The following TPD52L1 variants were observed in gnomAD, a reference collection of about 807,000 sequenced individuals.
The protein encoded by TPD52L1 is TPD52 like 1.
A neutral mutation model predicts 28.7 loss-of-function variants in TPD52L1; 18 were observed. The observed-to-expected ratio is 0.63, with a 90% confidence interval of 0.43 to 0.93. The LOEUF is 0.93. TPD52L1 is among the 40% of genes least tolerant of loss of function. The pLI is 0.00. For missense variants in TPD52L1, 203 were observed against 254.8 expected (o/e 0.80, Z 1.39); for synonymous variants, 75 against 88.8 (o/e 0.84, Z 0.88).
At chr6:125,227,753 T>G (rs902455323) in intron 2 of TPD52L1, among the ~76,000 whole-genome samples, 2 of 152,224 alleles carry the variant, frequency 1.3e-5, no homozygotes, top group Non-Finnish European at 2.9e-5. Flanking sequence ...ACTTTGTGAT[T>G]TATTCAGATT....
intron 3 of TPD52L1, among the ~76,000 whole-genome samples, chr6:125,247,264 C>T (rs1424600032): frequency 7.2e-5 from 11 of 151,992 alleles, no homozygotes; most frequent in Non-Finnish European, 1.5e-4. Flanking sequence ...ACAGCATATG[C>T]ATTTTAAGAT....
intron 2 of TPD52L1, among the ~76,000 whole-genome samples, chr6:125,222,853 C>T (rs903869721): frequency 3.9e-5 from 6 of 152,072 alleles, no homozygotes; most frequent in African/African-American, 1.4e-4. Context: ...CTTAGATTGT[C>T]TAAGATGGAA....
chr6:125,193,684 A>G (rs1793210660), intron 1 of TPD52L1, among the ~76,000 whole-genome samples: 1 of 152,190 alleles, frequency 6.6e-6, no homozygotes, highest in South Asian at 2.1e-4. Flanking sequence ...GATGAAAAAT[A>G]TATGCATATA....
At chr6:125,229,303 C>G in intron 3 of TPD52L1, 37 bp downstream of exon 3, 1 of 1,567,186 alleles carries the variant, frequency 6.4e-7, no homozygotes, top group Non-Finnish European at 8.6e-7. Context: ...TTAACTCAGC[C>G]TGATGTCTCC....
chr6:125,246,194 A>C (rs1434557702), intron 3 of TPD52L1, among the ~76,000 whole-genome samples: 3 of 152,114 alleles, frequency 2.0e-5, no homozygotes, highest in African/African-American at 7.2e-5. Context: ...TTTAGGTTAA[A>C]TCCCTCTCCT....
intron 1 of TPD52L1, among the ~76,000 whole-genome samples, chr6:125,192,029 G>T (rs1478724556): frequency 6.6e-6 from 1 of 152,196 alleles, no homozygotes; most frequent in African/African-American, 2.4e-5. Context: ...GATAGCTTCT[G>T]TAGCATGCCA....
At chr6:125,231,555 T>A (rs530809082) in intron 3 of TPD52L1, among the ~76,000 whole-genome samples, 19 of 152,356 alleles carry the variant, frequency 1.2e-4, no homozygotes, top group African/African-American at 4.3e-4. Context: ...AGCCTAGATT[T>A]ATTCCCTGGG....
chr6:125,158,886 G>A (rs933747992), intron 1 of TPD52L1, among the ~76,000 whole-genome samples: 10 of 152,188 alleles, frequency 6.6e-5, no homozygotes, highest in African/African-American at 1.7e-4. Context: ...ATACTATACT[G>A]TAGTTTGTTA....
chr6:125,183,790 A>G (rs1003549601), intron 1 of TPD52L1, among the ~76,000 whole-genome samples: 1 of 152,228 alleles, frequency 6.6e-6, no homozygotes, highest in African/African-American at 2.4e-5. Context: ...TCCTGGCAAC[A>G]TGGTTGACAC....
At chr6:125,228,997 C>G (rs934304193) in intron 2 of TPD52L1, 121 bp from the exon 3 acceptor site, 4 of 1,017,394 alleles carry the variant, frequency 3.9e-6, no homozygotes, top group South Asian at 3.8e-5. Flanking sequence ...TTTGGCAAAC[C>G]TACACATGGG....
At chr6:125,184,773 C>T (rs183656115) in intron 1 of TPD52L1, among the ~76,000 whole-genome samples, 1 of 151,704 alleles carries the variant, frequency 6.6e-6, no homozygotes, top group Non-Finnish European at 1.5e-5. Flanking sequence ...TGAAACTCTA[C>T]CTAGCCAGCA....
intron 1 of TPD52L1, among the ~76,000 whole-genome samples, chr6:125,211,499 G>A (rs996263668): frequency 1.3e-5 from 2 of 152,326 alleles, no homozygotes; most frequent in Non-Finnish European, 2.9e-5. Context: ...GTGCCCGAAT[G>A]TTGCAGTGGT....
intron 1 of TPD52L1, among the ~76,000 whole-genome samples, chr6:125,215,327 T>C (rs1794790741): frequency 6.6e-6 from 1 of 152,232 alleles, no homozygotes; most frequent in African/African-American, 2.4e-5. Flanking sequence ...TCTTGAATTA[T>C]CCTTTGACCT....
intron 1 of TPD52L1, among the ~76,000 whole-genome samples, chr6:125,213,177 A>T (rs1362461892): frequency 6.6e-6 from 1 of 152,154 alleles, no homozygotes; most frequent in African/African-American, 2.4e-5. Flanking sequence ...TAGTGGGGGA[A>T]AAAATATTAG....
intron 1 of TPD52L1, among the ~76,000 whole-genome samples, chr6:125,197,060 G>A (rs1011165241): frequency 1.1e-4 from 16 of 152,154 alleles, no homozygotes; most frequent in African/African-American, 2.9e-4. Flanking sequence ...TCTATACCAC[G>A]GAGAGCTACA....
At chr6:125,165,541 A>G (rs559244823) in intron 1 of TPD52L1, among the ~76,000 whole-genome samples, 1 of 152,326 alleles carries the variant, frequency 6.6e-6, no homozygotes, top group African/African-American at 2.4e-5. Context: ...GCAAAAATCT[A>G]GCACTTTGCT....
At chr6:125,163,093 T>C (rs1273840348) in intron 1 of TPD52L1, among the ~76,000 whole-genome samples, 1 of 152,170 alleles carries the variant, frequency 6.6e-6, no homozygotes, top group Admixed American at 6.5e-5. Flanking sequence ...CATGGTGTCA[T>C]CTTTTCAGGA....
Position 125,262,997 on chromosome 6 carries a change from C to A in TPD52L1, c.*35C>A. On this transcript the variant is annotated 3_prime_UTR_variant, in exon 7 of 7. Transcript: ENST00000534000. ...GCGTGCAGCTGCATCCAGAAACCGGCCACTACCCAGCCCATCTCTGCCTGT... is the reference window on the plus strand; with the variant it reads ...GCGTGCAGCTGCATCCAGAAACCGGACACTACCCAGCCCATCTCTGCCTGT... 5 of 1,592,778 alleles carry A rather than the reference C, an allele frequency of 3.1e-6. No individual in the cohort carries two copies. The highest frequency in any genetic ancestry group is 4.3e-6 in the Non-Finnish European group (5 of 1,170,164).
At chr6:125,258,318 A>C (rs1797724617) in intron 6 of TPD52L1, among the ~76,000 whole-genome samples, 1 of 152,186 alleles carries the variant, frequency 6.6e-6, no homozygotes, top group Non-Finnish European at 1.5e-5. Flanking sequence ...TCTGCATGCC[A>C]ACATCATCGC....
Sources: allele counts gnomAD v4.1 joint callset (sites outside exome capture counted in the v4.1 genomes callset), GRCh38; gene constraint gnomAD v4.1.1; transcripts MANE v1.5; gene names NCBI Gene and HGNC (gene_info 2026-07-23, HGNC 2026-07-21).